ARHGAP42: variants seen among roughly 807,000 people sequenced by gnomAD.
ARHGAP42 encodes the protein Rho GTPase activating protein 42.
A neutral mutation model predicts 125.0 loss-of-function variants in ARHGAP42; 63 were observed. The ratio of observed to expected loss-of-function variants is 0.50; its 90% CI spans 0.41 to 0.62. The LOEUF is 0.62. ARHGAP42 is among the 20% of genes least tolerant of loss of function. ARHGAP42 has a pLI of 0.00. For missense variants in ARHGAP42, 766 were observed against 1,024.2 expected (o/e 0.75, Z 3.44); for synonymous variants, 339 against 351.0 (o/e 0.97, Z 0.38).
At chr11:100,869,309 G>C (rs557817202) in intron 4 of ARHGAP42, among the ~76,000 whole-genome samples, 1 of 152,168 alleles carries the variant, frequency 6.6e-6, no homozygotes, top group Admixed American at 6.5e-5. Context: ...AATATATACT[G>C]TAGGTGAAAT....
At chr11:100,913,387 G>A in intron 4 of ARHGAP42, 65 bp from the exon 5 acceptor site, 1 of 622,812 alleles carries the variant, frequency 1.6e-6, no homozygotes, top group South Asian at 2.0e-5. Context: ...GATGGGAATG[G>A]TGAAAGTCGG....
At chr11:100,738,484 A>T (rs908661081) in intron 1 of ARHGAP42, 2 of 152,342 alleles carry the variant, frequency 1.3e-5, no homozygotes, top group Non-Finnish European at 1.5e-5. Flanking sequence ...ATCTGACATT[A>T]CAGACAAAAG....
At chr11:100,827,663 G>A (rs1864555539) in intron 3 of ARHGAP42, among the ~76,000 whole-genome samples, 1 of 152,214 alleles carries the variant, frequency 6.6e-6, no homozygotes, top group Admixed American at 6.5e-5. Flanking sequence ...CCACAGGAGA[G>A]GCACTGCCCA....
rs190791827 is a variant in ARHGAP42, at chr11:100,943,986, A to G, written c.1043+118A>G. 183 of 651,260 alleles carry G rather than the reference A, an allele frequency of 2.8e-4. No homozygotes were observed. In the African/African-American group the frequency reaches 3.0e-3, roughly 11 times the overall value. The allele number at this position is 651,260 out of a possible 1,614,324, so 40.3% of individuals were successfully genotyped here. ...TTTTTAGTCTTTTAAAAAACAGTAT[A>G]CATGTTTATCTCTTTCTTTCATGTT... On this transcript the variant is annotated intron_variant, in intron 10 of 23. Coordinates refer to ENST00000298815, the MANE Select transcript of ARHGAP42 (RefSeq NM_152432.4).
In ARHGAP42 at chr11:100,744,538, CTGTG is replaced by C. The variant is rs34640167; in HGVS notation, c.155-25782_155-25779del. On this transcript the variant is annotated intron_variant, in intron 1 of 23. Coordinates refer to ENST00000298815, the MANE Select transcript of ARHGAP42 (RefSeq NM_152432.4). The stretch of plus-strand genomic sequence containing the variant: ...TCTTGAATTTGTTTTATATTTTACT[CTGTG>C]TGTGTGTGTGTGTGTGTGTGTGCGT... Among the ~76,000 whole-genome samples, 800 of 148,614 alleles carry C rather than the reference CTGTG, an allele frequency of 5.4e-3. 5 individuals carry two copies. The highest frequency in any genetic ancestry group is 0.018 in the African/African-American group (709 of 40,418).
At position 100,837,666 on chromosome 11, in the gene ARHGAP42, C is replaced by CTTTTTTTTTTTTTTTTTTTT. The variant is rs373059302; in HGVS notation, c.313-21876_313-21857dup. On this transcript the variant is annotated intron_variant, in intron 3 of 23. Transcript: ENST00000298815. Reference sequence around the variant, plus strand: ...CAGTTCCCAGAATCTAGGTGTCATCCTTTTTTTTTTTTTTTTTTTTTTTTT... The same window carrying CTTTTTTTTTTTTTTTTTTTT: ...CAGTTCCCAGAATCTAGGTGTCATCCTTTTTTTTTTTTTTTTTTTTTTTTTTTTTTTTTTTTTTTTTTTTT... 1.1e-3 allele frequency among the ~76,000 whole-genome samples: 66 copies of CTTTTTTTTTTTTTTTTTTTT among 61,006 alleles called. 4 individuals are homozygous for CTTTTTTTTTTTTTTTTTTTT. The highest frequency in any genetic ancestry group is 2.1e-3 in the African/African-American group (30 of 14,180). The allele number at this position is 61,006 out of a possible 152,430, so 40.0% of individuals were successfully genotyped here. A position where few individuals can be genotyped will look rare whatever the true frequency, so the allele number is the denominator to read the frequency against.
chr11:100,913,396 G>A (rs641948), intron 4 of ARHGAP42, 56 bp from the exon 5 acceptor site: 663,582 of 748,570 alleles, frequency 0.89, 294,552 homozygotes, highest in East Asian at 1. Context: ...GGTGAAAGTC[G>A]GGGTTTTCTG....
In ARHGAP42 at chr11:100,747,677, A is replaced by T. The variant is rs527562087; in HGVS notation, c.155-22666A>T. Among the ~76,000 whole-genome samples the T allele has an allele frequency of 4.7e-4, 72 of 152,332 alleles. No homozygotes were observed. In the Middle Eastern group the frequency reaches 0.017, roughly 36 times the overall value. On this transcript the variant is annotated intron_variant, in intron 1 of 23. Coordinates refer to ENST00000298815, the MANE Select transcript of ARHGAP42 (RefSeq NM_152432.4). ...CCTTTTAATGTAGGTAAAAATCCAC[A>T]TTCTTTTTCCTCCTTATAATCCCGT...
At position 100,989,991 on chromosome 11, in the gene ARHGAP42, G is replaced by A. The variant is rs960965708; in HGVS notation, c.*1190G>A. The stretch of plus-strand genomic sequence containing the variant: ...ACATGATTTTCTTTTATGCCTTTTA[G>A]TTTACAGTCTTTATTAGCAATTTCA... On this transcript the variant is annotated 3_prime_UTR_variant, in exon 24 of 24. Coordinates refer to ENST00000298815, the MANE Select transcript of ARHGAP42 (RefSeq NM_152432.4). 2 of 152,050 alleles carry A rather than the reference G, an allele frequency of 1.3e-5. No individual in the cohort carries two copies. The highest frequency in any genetic ancestry group is 2.9e-5 in the Non-Finnish European group (2 of 67,998). 9.4% of individuals were successfully genotyped at this position (152,050 alleles called of 1,614,324 possible).
chr11:100,711,616 C>T (rs1026027485), intron 1 of ARHGAP42, among the ~76,000 whole-genome samples: 1 of 152,342 alleles, frequency 6.6e-6, no homozygotes, highest in Non-Finnish European at 1.5e-5. Context: ...CCTCAGCCTC[C>T]CAAATTGTTG....
Position 100,976,259 on chromosome 11 carries a change from A to C in ARHGAP42, c.2058A>C (p.Ser686=). 1.3e-6 allele frequency: 2 copies of C among 1,551,654 alleles called. No individual in the cohort carries two copies. ...SLGLWTTSPE[S]SSREDATKTD... ...GTCTGTGGACAACTAGTCCTGAATC[A>C]AGTTCCAGAGAAGATGCAACCAAGA... The change falls in exon 20 of 24, where the codon TCA becomes TCC. Residue 686 remains serine, a synonymous_variant. Coordinates refer to ENST00000298815, the MANE Select transcript of ARHGAP42 (RefSeq NM_152432.4).
intron 2 of ARHGAP42, among the ~76,000 whole-genome samples, chr11:100,777,429 A>G (rs1863158547): frequency 1.3e-5 from 2 of 152,158 alleles, no homozygotes; most frequent in Admixed American, 1.3e-4. Context: ...GTGGTTGGAA[A>G]ATCTCATTCA....
intron 1 of ARHGAP42, among the ~76,000 whole-genome samples, chr11:100,719,218 CTT>C (rs957518561): frequency 1.4e-4 from 22 of 152,182 alleles, no homozygotes; most frequent in African/African-American, 5.3e-4. Context: ...TAGATACTGT[CTT>C]TTTCTTTTTG....
At chr11:100,982,176 G>A (rs1858561427) in intron 22 of ARHGAP42, among the ~76,000 whole-genome samples, 1 of 152,184 alleles carries the variant, frequency 6.6e-6, no homozygotes, top group South Asian at 2.1e-4. Context: ...GACAGGATGA[G>A]AAGGCATGAC....
intron 3 of ARHGAP42, chr11:100,840,792 G>T (rs754660253): frequency 3.3e-5 from 5 of 152,120 alleles, no homozygotes; most frequent in Non-Finnish European, 5.9e-5. Flanking sequence ...GTCTAAAGTT[G>T]TTCCCAAATT....
At chr11:100,698,718 T>C (rs1435611357) in intron 1 of ARHGAP42, among the ~76,000 whole-genome samples, 2 of 152,286 alleles carry the variant, frequency 1.3e-5, no homozygotes, top group Admixed American at 1.3e-4. Flanking sequence ...TTATTTTTCA[T>C]TTTTTTATAA....
At chr11:100,688,902 A>T (rs1678663873) in intron 1 of ARHGAP42, among the ~76,000 whole-genome samples, 1 of 152,118 alleles carries the variant, frequency 6.6e-6, no homozygotes, top group Admixed American at 6.5e-5. Flanking sequence ...CCTTTGGGTG[A>T]TCTAGTTACC....
intron 1 of ARHGAP42, among the ~76,000 whole-genome samples, chr11:100,749,203 C>G (rs1862380792): frequency 6.6e-6 from 1 of 152,156 alleles, no homozygotes; most frequent in Admixed American, 6.5e-5. Context: ...GTTCAACCCC[C>G]TGAAATTTGT....
At chr11:100,962,968 A>G (rs941394179) in intron 16 of ARHGAP42, among the ~76,000 whole-genome samples, 1 of 152,232 alleles carries the variant, frequency 6.6e-6, no homozygotes, top group East Asian at 1.9e-4. Flanking sequence ...ATTAACTGAA[A>G]TATTTTGACA....
Sources: allele counts gnomAD v4.1 joint callset (sites outside exome capture counted in the v4.1 genomes callset), GRCh38; gene constraint gnomAD v4.1.1; transcripts MANE v1.5; gene names NCBI Gene and HGNC (gene_info 2026-07-23, HGNC 2026-07-21).